Variants in RGS22 observed in about 807,000 individuals in gnomAD.
RGS22 encodes regulator of G protein signaling 22.
RGS22 carries 148 observed loss-of-function variants against 172.9 expected under a neutral mutation model. The ratio of observed to expected loss-of-function variants is 0.86; its 90% CI spans 0.75 to 0.98. The LOEUF is 0.98. RGS22 is among the 50% of genes least tolerant of loss of function. The probability of loss-of-function intolerance (pLI) is 0.00; values close to 1 mark genes in which losing one functional copy is unlikely to be tolerated. For synonymous variants in RGS22, 458 were observed against 480.2 expected, an observed-to-expected ratio of 0.95 and a Z score of 0.60; for missense variants, 1,347 against 1,440.8, an observed-to-expected ratio of 0.93 and a Z score of 1.05.
intron 17 of RGS22, among the ~76,000 whole-genome samples, 165 bp from the exon 18 acceptor site, chr8:100,002,529 A>G (rs1228738380): frequency 6.6e-6 from 1 of 152,168 alleles, no homozygotes; most frequent in Non-Finnish European, 1.5e-5. Context: ...ATCCCTTTCT[A>G]GGCTAGTTCA....
At chr8:99,999,695 A>G (rs1332887838) in intron 18 of RGS22, among the ~76,000 whole-genome samples, 3 of 152,176 alleles carry the variant, frequency 2.0e-5, no homozygotes, top group African/African-American at 4.8e-5. Flanking sequence ...ATCCTGTGTG[A>G]CCACAGCAAT....
chr8:99,999,709 AT>A (rs1355698243), intron 18 of RGS22, among the ~76,000 whole-genome samples: 1 of 152,106 alleles, frequency 6.6e-6, no homozygotes, highest in East Asian at 1.9e-4. Context: ...CAGCAATGGC[AT>A]TTTTTTCCCT....
chr8:100,089,746 A>T (rs539776901), intron 3 of RGS22, among the ~76,000 whole-genome samples: 1 of 152,180 alleles, frequency 6.6e-6, no homozygotes, highest in Non-Finnish European at 1.5e-5. Flanking sequence ...GACCCCTAAA[A>T]CCACATTAGC....
rs144154209 is a variant in RGS22, at chr8:100,008,739, G to A, written c.2167-170C>T. Among the ~76,000 whole-genome samples the A allele has an allele frequency of 2.1e-3, 326 of 152,226 alleles. 2 individuals are homozygous for A. The highest frequency in any genetic ancestry group is 7.1e-3 in the African/African-American group (296 of 41,552). On this transcript the variant is annotated intron_variant, in intron 14 of 27. Coordinates refer to ENST00000360863, the MANE Select transcript of RGS22 (RefSeq NM_015668.5). ...TTAACACGAAGCAATGCATCTATTC[G>A]AAAGACTTTGTTTTTCCTTTTGTTT... is the stretch of plus-strand genomic sequence containing the variant.
intron 3 of RGS22, among the ~76,000 whole-genome samples, chr8:100,088,248 A>G (rs1480699555): frequency 6.6e-6 from 1 of 152,178 alleles, no homozygotes; most frequent in African/African-American, 2.4e-5. Flanking sequence ...ATAACTAAGC[A>G]TGGTCTGGCA....
At chr8:100,055,402 G>T (rs1248923288) in intron 9 of RGS22, among the ~76,000 whole-genome samples, 4 of 152,204 alleles carry the variant, frequency 2.6e-5, no homozygotes, top group Admixed American at 1.3e-4. Flanking sequence ...GTACCTCTAT[G>T]AGTTTGCAAG....
At chr8:100,036,518 A>G (rs1353646044) in intron 14 of RGS22, among the ~76,000 whole-genome samples, 1 of 152,200 alleles carries the variant, frequency 6.6e-6, no homozygotes, top group East Asian at 1.9e-4. Context: ...AAATCATGTA[A>G]GTCTCTTGAA....
Position 100,105,940 on chromosome 8 carries a change from GCCTGGAGCCCGCGCGGGCCGTCAGGGC to G in RGS22, c.-46_-20del. ...CGGGCATGCCGTCCCCGCTGCCCGC[GCCTGGAGCCCGCGCGGGCCGTCAGGGC>G]CCTAGCGCGCGGGTCCAGCGCGGGT... On this transcript the variant is annotated 5_prime_UTR_variant, in exon 1 of 28. Coordinates refer to ENST00000360863, the MANE Select transcript of RGS22 (RefSeq NM_015668.5). 4 of 1,467,998 alleles carry G rather than the reference GCCTGGAGCCCGCGCGGGCCGTCAGGGC, an allele frequency of 2.7e-6. No individual in the cohort carries two copies. Among genetic ancestry groups the G allele is most frequent in the Non-Finnish European group, 3.6e-6 (4 of 1,113,550 alleles). The allele number at this position is 1,467,998 out of a possible 1,614,324, so 90.9% of individuals were successfully genotyped here. A position where few individuals can be genotyped will look rare whatever the true frequency, so the allele number is the denominator to read the frequency against.
chr8:100,081,226 G>A (rs950912061), intron 3 of RGS22, among the ~76,000 whole-genome samples: 13 of 152,026 alleles, frequency 8.6e-5, no homozygotes, highest in Non-Finnish European at 1.8e-4. Context: ...CCTTGGATCA[G>A]TAAGTGTTCT....
In RGS22 at chr8:100,012,342, T is replaced by C. The variant is rs111978440; in HGVS notation, c.2167-3773A>G. On this transcript the variant is annotated intron_variant, in intron 14 of 27. Transcript: ENST00000360863. Reference sequence around the variant, plus strand: ...AGTTCAGAATATAATAGGCATTCAATAGATATTTGCTGAGTATATAAATAA... The same window carrying C: ...AGTTCAGAATATAATAGGCATTCAACAGATATTTGCTGAGTATATAAATAA... Among the ~76,000 whole-genome samples the C allele has an allele frequency of 5.3e-4, 81 of 152,214 alleles. 1 individual carries two copies. Among genetic ancestry groups the C allele is most frequent in the South Asian group, 3.5e-3 (17 of 4,826 alleles).
At chr8:99,987,701 G>A (rs753648819) in intron 20 of RGS22, 82 bp from the exon 21 acceptor site, 191 of 1,048,678 alleles carry the variant, frequency 1.8e-4, no homozygotes, top group Middle Eastern at 6.0e-4. Context: ...AATTTTGCCT[G>A]TTGAAATGCC....
intron 14 of RGS22, among the ~76,000 whole-genome samples, chr8:100,022,822 T>C (rs1318358090): frequency 6.6e-6 from 1 of 152,010 alleles, no homozygotes; most frequent in Non-Finnish European, 1.5e-5. Context: ...CTCAGCTGAC[T>C]GCAACCTCCT....
At chr8:100,022,638 C>T (rs1344676373) in intron 14 of RGS22, among the ~76,000 whole-genome samples, 2 of 151,808 alleles carry the variant, frequency 1.3e-5, no homozygotes, top group African/African-American at 4.8e-5. Context: ...AAACCTTTAA[C>T]TGACAAAAGC....
intron 2 of RGS22, among the ~76,000 whole-genome samples, chr8:100,103,074 G>A (rs1813623339): frequency 1.3e-5 from 2 of 152,168 alleles, no homozygotes; most frequent in South Asian, 2.1e-4. Flanking sequence ...TAAAAGCTCT[G>A]AGCAAGCCAG....
intron 20 of RGS22, among the ~76,000 whole-genome samples, chr8:99,995,278 A>G (rs1184447945): frequency 6.6e-6 from 1 of 152,246 alleles, no homozygotes; most frequent in Non-Finnish European, 1.5e-5. Context: ...GATCTAATTA[A>G]ACTAATGAGT....
intron 22 of RGS22, among the ~76,000 whole-genome samples, chr8:99,980,468 G>GT: frequency 6.6e-6 from 1 of 152,236 alleles, no homozygotes; most frequent in African/African-American, 2.4e-5. Flanking sequence ...AGATACAGAG[G>GT]TAAGGAAATG....
chr8:99,968,109 C>CA (rs1467904581), intron 23 of RGS22, among the ~76,000 whole-genome samples: 3 of 152,192 alleles, frequency 2.0e-5, no homozygotes, highest in Non-Finnish European at 2.9e-5. Context: ...AGTGGACCTC[C>CA]AGCAAACTCC....
intron 4 of RGS22, among the ~76,000 whole-genome samples, chr8:100,074,604 T>C (rs1317243299): frequency 6.6e-6 from 1 of 152,268 alleles, no homozygotes; most frequent in Non-Finnish European, 1.5e-5. Flanking sequence ...TACTTCATTC[T>C]TTTTTGTTGC....
intron 19 of RGS22, among the ~76,000 whole-genome samples, chr8:99,998,066 A>G (rs1260214438): frequency 6.6e-6 from 1 of 152,092 alleles, no homozygotes; most frequent in Non-Finnish European, 1.5e-5. Context: ...TTATTTTTTA[A>G]TCTCATTTTT....
Sources: gnomAD v4.1 joint callset for allele counts (sites outside exome capture counted in the v4.1 genomes callset) on GRCh38, gnomAD v4.1.1 for gene constraint, MANE v1.5 for transcripts, NCBI Gene and HGNC (gene_info 2026-07-23, HGNC 2026-07-21) for gene names.